The following UBE2L3 variants were observed in gnomAD, a reference collection of about 807,000 sequenced individuals.
The protein encoded by UBE2L3 is ubiquitin-conjugating enzyme E2 L3.
In UBE2L3, 1 loss-of-function variant was observed where a neutral mutation model predicts 17.8. The observed-to-expected ratio is 0.06, with a 90% confidence interval of 0.02 to 0.27. The LOEUF is 0.27. Among genes scored for constraint, UBE2L3 ranks in the 10% least tolerant of loss-of-function variants. The pLI is 1.00. For missense variants in UBE2L3, 40 were observed against 192.6 expected (o/e 0.21, Z 4.69); for synonymous variants, 44 against 68.5 (o/e 0.64, Z 1.76).
intron 1 of UBE2L3, among the ~76,000 whole-genome samples, chr22:21,574,696 G>T (rs368752477): frequency 6.6e-6 from 1 of 152,194 alleles, no homozygotes; most frequent in Middle Eastern, 3.2e-3. Flanking sequence ...GCCAGGCGCG[G>T]TGGCTCATGC....
intron 2 of UBE2L3, among the ~76,000 whole-genome samples, chr22:21,593,332 C>A (rs1237144190): frequency 6.6e-6 from 1 of 152,196 alleles, no homozygotes; most frequent in African/African-American, 2.4e-5. Flanking sequence ...TGCTTTCTCT[C>A]TTGGTTTTGC....
At chr22:21,616,749 C>T (rs1032803974) in intron 3 of UBE2L3, among the ~76,000 whole-genome samples, 1 of 150,994 alleles carries the variant, frequency 6.6e-6, no homozygotes, top group Non-Finnish European at 1.5e-5. Context: ...AAACACCCCC[C>T]CCCTTTTTTT....
chr22:21,579,211 C>T (rs546184706), intron 1 of UBE2L3, among the ~76,000 whole-genome samples: 3 of 151,880 alleles, frequency 2.0e-5, no homozygotes. Flanking sequence ...AGGATGGTCT[C>T]GAACTTCTGA....
In UBE2L3 at chr22:21,584,917, C is replaced by T. The variant is rs1027236604; in HGVS notation, c.28-7944C>T. Among the ~76,000 whole-genome samples, 11 of 152,274 alleles carry T rather than the reference C, an allele frequency of 7.2e-5. No homozygotes were observed. In the East Asian group the frequency reaches 1.4e-3, roughly 19 times the overall value. On this transcript the variant is annotated intron_variant, in intron 1 of 3. Transcript: ENST00000342192. ...CGGAGGTTGGAGTGAGCTGAGATCA[C>T]GCCTCCACACTCCAGCCTGGAGAGC...
intron 1 of UBE2L3, among the ~76,000 whole-genome samples, chr22:21,572,862 A>C (rs1358894012): frequency 6.6e-6 from 1 of 151,900 alleles, no homozygotes; most frequent in Non-Finnish European, 1.5e-5. Flanking sequence ...TTGTCTACTC[A>C]GTTGCTCAAG....
intron 2 of UBE2L3, among the ~76,000 whole-genome samples, chr22:21,606,289 AGT>A (rs1233503956): frequency 1.2e-4 from 17 of 139,754 alleles, no homozygotes; most frequent in South Asian, 4.9e-4. Flanking sequence ...CATGCAGGAA[AGT>A]GTGCGCGCGC....
upstream of UBE2L3, among the ~76,000 whole-genome samples, chr22:21,563,676 G>A (rs1439260020): frequency 1.4e-5 from 2 of 147,112 alleles, no homozygotes; most frequent in Non-Finnish European, 1.5e-5. Flanking sequence ...TCCCGGGTTC[G>A]AGCGATTCTC....
chr22:21,613,735 T>C (rs1459226136), intron 3 of UBE2L3, among the ~76,000 whole-genome samples: 2 of 152,168 alleles, frequency 1.3e-5, no homozygotes, highest in East Asian at 3.8e-4. Context: ...ATTCCTGGGG[T>C]CACTCATGCA....
chr22:21,574,176 A>C (rs936628847), intron 1 of UBE2L3, among the ~76,000 whole-genome samples: 2 of 151,808 alleles, frequency 1.3e-5, no homozygotes, highest in African/African-American at 4.8e-5. Context: ...CAAGCCCCCC[A>C]CCCCTATAAG....
At chr22:21,592,810 A>G (rs1225746843) in intron 1 of UBE2L3, 51 bp from the exon 2 acceptor site, 5 of 1,410,340 alleles carry the variant, frequency 3.5e-6, no homozygotes, top group Non-Finnish European at 5.0e-6. Flanking sequence ...GGATCTTAAT[A>G]TGTGGTGCTT....
rs922935071 is a variant in UBE2L3, at chr22:21,584,686, C to G, written c.28-8175C>G. The stretch of plus-strand genomic sequence containing the variant: ...GCCTCAAGTGATTTTCCCGCTTCGG[C>G]AACCCAAAGTGCTGGGATTACAGGA... On this transcript the variant is annotated intron_variant, in intron 1 of 3. Coordinates refer to ENST00000342192, the MANE Select transcript of UBE2L3 (RefSeq NM_003347.4). Among the ~76,000 whole-genome samples, 3 of 150,634 alleles carry G rather than the reference C, an allele frequency of 2.0e-5. 1 individual carries two copies. The highest frequency in any genetic ancestry group is 6.8e-3 in the Middle Eastern group (2 of 292).
At chr22:21,601,967 C>CAA (rs781689880) in intron 2 of UBE2L3, among the ~76,000 whole-genome samples, 6 of 104,516 alleles carry the variant, frequency 5.7e-5, no homozygotes, top group African/African-American at 1.2e-4. Flanking sequence ...GACTCCATCT[C>CAA]AAAAAAAAAA....
chr22:21,568,045 T>C, intron 1 of UBE2L3: 1 of 1,275,066 alleles, frequency 7.8e-7, no homozygotes. Context: ...CTTGGCCGCG[T>C]CCCCCTGTCG....
At chr22:21,556,402 A>AC (rs1343932581) in intron 1 of UBE2L3, among the ~76,000 whole-genome samples, 8 of 152,208 alleles carry the variant, frequency 5.3e-5, no homozygotes, top group African/African-American at 1.7e-4. Flanking sequence ...CTAAAAAAAA[A>AC]GTAAAATAAA....
At position 21,572,603 on chromosome 22, in the gene UBE2L3, A is replaced by G. The variant is rs147410013; in HGVS notation, c.27+4832A>G. On this transcript the variant is annotated intron_variant, in intron 1 of 3. Transcript: ENST00000342192. Reference sequence around the variant, plus strand: ...CATTTATTACGTTTAAGATATTTCTATATTCTTTGCTACAGCAGTAAATGT... The same window carrying G: ...CATTTATTACGTTTAAGATATTTCTGTATTCTTTGCTACAGCAGTAAATGT... 3.3e-5 allele frequency among the ~76,000 whole-genome samples: 5 copies of G among 152,224 alleles called. No homozygotes were observed. The East Asian group carries it at 5.8e-4, about 18-fold the overall frequency.
intron 1 of UBE2L3, among the ~76,000 whole-genome samples, chr22:21,573,072 A>T (rs546935078): frequency 4.6e-5 from 7 of 151,972 alleles, no homozygotes; most frequent in Admixed American, 3.9e-4. Flanking sequence ...CGAGCTCCTT[A>T]ATGGTTCATC....
At chr22:21,572,797 T>C (rs1927055583) in intron 1 of UBE2L3, among the ~76,000 whole-genome samples, 1 of 152,100 alleles carries the variant, frequency 6.6e-6, no homozygotes, top group South Asian at 2.1e-4. Context: ...CTCCTGTGAC[T>C]CTCTCCCTCT....
At chr22:21,568,117 A>C in intron 1 of UBE2L3, 133 of 1,043,784 alleles carry the variant, frequency 1.3e-4, no homozygotes, top group East Asian at 8.2e-4. Context: ...GAGGCTCCAA[A>C]CCGGGCGCCT....
At chr22:21,562,340 G>GC (rs1190797403) in intron 1 of UBE2L3, among the ~76,000 whole-genome samples, 1 of 143,968 alleles carries the variant, frequency 6.9e-6, no homozygotes, top group Non-Finnish European at 1.5e-5. Flanking sequence ...TACTACAGGG[G>GC]CCCGCCACTG....
Sources: gnomAD v4.1 joint callset for allele counts (sites outside exome capture counted in the v4.1 genomes callset) on GRCh38, gnomAD v4.1.1 for gene constraint, MANE v1.5 for transcripts, NCBI Gene and HGNC (gene_info 2026-07-23, HGNC 2026-07-21) for gene names.